The following STARD13 variants were observed in gnomAD, a reference collection of about 807,000 sequenced individuals.
The protein encoded by STARD13 is StAR related lipid transfer domain containing 13.
Under a neutral mutation model 106.4 loss-of-function variants are expected in STARD13, and 62 were observed. That is an observed-to-expected ratio of 0.58 (90% CI 0.48 to 0.72). STARD13 has a LOEUF of 0.72. STARD13 is among the 30% of genes least tolerant of loss of function. The pLI is 0.00. For missense variants in STARD13, 1,387 were observed against 1,424.0 expected (o/e 0.97, Z 0.42); for synonymous variants, 565 against 553.0 (o/e 1.02, Z -0.31).
the STARD13 span, among the ~76,000 whole-genome samples, chr13:33,568,806 C>G: frequency 3.8e-4 from 56 of 148,322 alleles, 5 homozygotes; most frequent in African/African-American, 1.4e-3. Context: ...AGCTACATTT[C>G]AGAAAGATTT....
At chr13:33,117,164 A>C (rs1000100407) in intron 8 of STARD13, among the ~76,000 whole-genome samples, 3 of 152,166 alleles carry the variant, frequency 2.0e-5, no homozygotes, top group African/African-American at 7.2e-5. Context: ...GCCGGAGTGC[A>C]GTGGTGCAAT....
chr13:33,351,925 C>T (rs1454756234), upstream of STARD13, among the ~76,000 whole-genome samples: 2 of 152,138 alleles, frequency 1.3e-5, no homozygotes, highest in Non-Finnish European at 2.9e-5. Context: ...ATATTCCCTC[C>T]ATCAGTTTAT....
At position 33,130,353 on chromosome 13, in the gene STARD13, C is replaced by T. The variant is rs560479614; in HGVS notation, c.388-64G>A. The T allele has an allele frequency of 1.2e-5, 18 of 1,524,922 alleles. No homozygotes were observed. In the African/African-American group the frequency reaches 1.9e-4, roughly 16 times the overall value. The allele number at this position is 1,524,922 out of a possible 1,614,324, so 94.5% of individuals were successfully genotyped here. A position where few individuals can be genotyped will look rare whatever the true frequency, so the allele number is the denominator to read the frequency against. On this transcript the variant is annotated intron_variant, in intron 4 of 13. Coordinates refer to ENST00000336934, the MANE Select transcript of STARD13 (RefSeq NM_178006.4). The surrounding 1 kb of genome is among the most constrained non-coding windows in gnomAD (Gnocchi z 4.1). ...GTGGCTGAAGCAGGAACTCTGGGTG[C>T]TCTGAGGGCAGCCCTGTGTGGTCCT...
intron 1 of STARD13, among the ~76,000 whole-genome samples, chr13:33,168,592 C>T (rs1487676129): frequency 5.3e-5 from 8 of 152,202 alleles, no homozygotes; most frequent in Non-Finnish European, 1.2e-4. Context: ...CAAGTCTTTA[C>T]CAAGGCCCTT....
chr13:33,481,920 T>C, the STARD13 span, among the ~76,000 whole-genome samples: 2 of 151,198 alleles, frequency 1.3e-5, no homozygotes, highest in Admixed American at 6.6e-5. Context: ...GGGGCGGAGC[T>C]TGCAGTGAGC....
At chr13:33,441,267 T>C in the STARD13 span, among the ~76,000 whole-genome samples, 4 of 152,198 alleles carry the variant, frequency 2.6e-5, no homozygotes, top group Non-Finnish European at 5.9e-5. Context: ...TGCAATAGTT[T>C]CCTAACTTCT....
At chr13:33,205,796 T>C in intron 1 of STARD13, 1 of 964,522 alleles carries the variant, frequency 1.0e-6, no homozygotes, top group Non-Finnish European at 1.2e-6. Context: ...CACGACCTCT[T>C]TTTCTATGGA....
At chr13:33,270,458 T>G (rs964614969) in intron 1 of STARD13, among the ~76,000 whole-genome samples, 2 of 152,208 alleles carry the variant, frequency 1.3e-5, no homozygotes, top group African/African-American at 2.4e-5. Flanking sequence ...ACTCTAGAAC[T>G]GAGCACCACA....
chr13:33,210,631 C>T (rs1276390201), intron 1 of STARD13, among the ~76,000 whole-genome samples: 5 of 152,254 alleles, frequency 3.3e-5, no homozygotes, highest in East Asian at 1.9e-4. Context: ...TAGGTGATTA[C>T]GACTACACTT....
At chr13:33,643,278 A>G in the STARD13 span, among the ~76,000 whole-genome samples, 1 of 152,098 alleles carries the variant, frequency 6.6e-6, no homozygotes, top group Non-Finnish European at 1.5e-5. Flanking sequence ...GCAGTCCCTG[A>G]TGCCTAAAAG....
At chr13:33,513,353 G>T in the STARD13 span, among the ~76,000 whole-genome samples, 1 of 152,114 alleles carries the variant, frequency 6.6e-6, no homozygotes, top group Non-Finnish European at 1.5e-5. Context: ...GGTCTGAGGC[G>T]TGGTCTCCAA....
intron 3 of STARD13, among the ~76,000 whole-genome samples, chr13:33,152,824 C>T (rs1169444323): frequency 6.6e-6 from 1 of 152,168 alleles, no homozygotes; most frequent in African/African-American, 2.4e-5. Context: ...GGGAAATGTG[C>T]CTGGTCCCGC....
At chr13:33,565,723 A>G in the STARD13 span, among the ~76,000 whole-genome samples, 2 of 148,062 alleles carry the variant, frequency 1.4e-5, no homozygotes, top group Non-Finnish European at 3.0e-5. Flanking sequence ...AGAAACATAT[A>G]TCACAGAAGG....
At chr13:33,604,851 G>A in the STARD13 span, among the ~76,000 whole-genome samples, 2 of 151,732 alleles carry the variant, frequency 1.3e-5, no homozygotes, top group Non-Finnish European at 2.9e-5. Flanking sequence ...CTAGATCTCT[G>A]TATTTAACTA....
the STARD13 span, among the ~76,000 whole-genome samples, chr13:33,594,550 T>C: frequency 6.6e-6 from 1 of 152,262 alleles, no homozygotes; most frequent in Non-Finnish European, 1.5e-5. Context: ...TTGTAATGAT[T>C]TTAAAGTGTG....
rs142383363 is a variant in STARD13 at position 33,110,880 on chromosome 13, G to A, written c.2635C>T (p.Arg879Cys). The change falls in exon 11 of 14, where the codon CGT (arginine) becomes TGT (cysteine). Residue 879 changes from arginine (R) to cysteine (C), a missense_variant. By Grantham distance (180) the Arg-to-Cys change is radical. Coordinates refer to ENST00000336934, the MANE Select transcript of STARD13 (RefSeq NM_178006.4). ...ATCTCAGCCTCCACATACGAGTTAC[G>A]AGACTGGGCCACCAACTCGTGTGGA... ...EVPHELVAQS[R>C]NSYVEAEIHV... 13 of 1,613,248 alleles carry A rather than the reference G, an allele frequency of 8.1e-6. No individual in the cohort carries two copies. Among genetic ancestry groups the A allele is most frequent in the East Asian group, 2.2e-5 (1 of 44,882 alleles).
chr13:33,136,439 G>A lies in STARD13; in HGVS notation c.387+5871C>T, dbSNP rs955393666. Among the ~76,000 whole-genome samples the A allele has an allele frequency of 3.9e-5, 6 of 152,232 alleles. No individual in the cohort carries two copies. In the South Asian group the frequency reaches 6.2e-4, roughly 16 times the overall value. On this transcript the variant is annotated intron_variant, in intron 4 of 13. Transcript: ENST00000336934. ...TCAAGCCAAAGACAGTTTGAAGGCT[G>A]AAAGTCAAGCTACAAACCCACAGAC...
intron 3 of STARD13, among the ~76,000 whole-genome samples, chr13:33,156,210 A>G (rs547921783): frequency 6.6e-6 from 1 of 152,222 alleles, no homozygotes; most frequent in East Asian, 1.9e-4. Context: ...TTCCTGGAAA[A>G]CCCATTCCCT....
At chr13:33,234,824 A>G (rs891340115) in intron 1 of STARD13, among the ~76,000 whole-genome samples, 7 of 152,216 alleles carry the variant, frequency 4.6e-5, no homozygotes, top group African/African-American at 1.7e-4. Flanking sequence ...TAAACTATTC[A>G]TAACAATGAT....
Sources: allele counts gnomAD v4.1 joint callset (sites outside exome capture counted in the v4.1 genomes callset), GRCh38; gene constraint gnomAD v4.1.1; non-coding constraint Gnocchi (gnomAD v3.1); transcripts MANE v1.5; gene names NCBI Gene and HGNC (gene_info 2026-07-23, HGNC 2026-07-21).